ATP1A1: variants seen among roughly 807,000 people sequenced by gnomAD.
The protein encoded by ATP1A1 is sodium/potassium-transporting ATPase subunit alpha-1.
ATP1A1 carries 14 observed loss-of-function variants against 114.8 expected under a neutral mutation model. The observed-to-expected ratio is 0.12, with a 90% CI of 0.08 to 0.19. The LOEUF (loss-of-function observed/expected upper bound fraction) is 0.19. ATP1A1 is among the 10% of genes least tolerant of loss of function. The pLI is 1.00. For missense variants in ATP1A1, 524 were observed against 1,290.7 expected, an observed-to-expected ratio of 0.41 and a Z score of 9.10; for synonymous variants, 471 against 466.3, an observed-to-expected ratio of 1.01 and a Z score of -0.13.
chr1:116,399,063 C>T lies in ATP1A1; in HGVS notation c.2427C>T (p.Cys809=), dbSNP rs775541230. 3.1e-6 allele frequency: 5 copies of T among 1,614,192 alleles called. No homozygotes were observed. The highest frequency in any genetic ancestry group is 3.4e-6 in the Non-Finnish European group (4 of 1,180,042). Residue 809 remains cysteine (C), a synonymous_variant, in exon 17 of 23, where the codon TGC becomes TGT. Coordinates refer to ENST00000295598, the MANE Select transcript of ATP1A1 (RefSeq NM_000701.8). The surrounding 1 kb of genome is among the most constrained non-coding windows in gnomAD (Gnocchi z 5.0). ...CACTGGGGACTGTCACCATCCTCTGCATTGACTTGGGCACTGACATGGTGA... is the reference window on the plus strand; with the variant it reads ...CACTGGGGACTGTCACCATCCTCTGTATTGACTTGGGCACTGACATGGTGA... The part of the protein sequence containing the change: ...PLPLGTVTIL[C]IDLGTDMVPA...
At chr1:116,377,056 T>C (rs1251540362) in intron 1 of ATP1A1, among the ~76,000 whole-genome samples, 1 of 152,250 alleles carries the variant, frequency 6.6e-6, no homozygotes, top group African/African-American at 2.4e-5. Flanking sequence ...TTTAAATATA[T>C]CTAAACTTAA....
chr1:116,403,659 T>C (rs1653722959), intron 21 of ATP1A1, among the ~76,000 whole-genome samples: 2 of 152,250 alleles, frequency 1.3e-5, no homozygotes, highest in African/African-American at 4.8e-5. Context: ...TTACAAAGTC[T>C]GCAGACTGAT....
rs1322776752 is a variant in ATP1A1, at chr1:116,385,014, C to G, written c.183+172C>G. Reference sequence around the variant, plus strand: ...TTTGGGCATTTATATGCTACCGTTTCTTTTCCCTGAAACTTTTTGAAAGTA... The same window carrying G: ...TTTGGGCATTTATATGCTACCGTTTGTTTTCCCTGAAACTTTTTGAAAGTA... On this transcript the variant is annotated intron_variant, in intron 3 of 22. Transcript: ENST00000295598. The surrounding 1 kb of genome is among the most constrained non-coding windows in gnomAD (Gnocchi z 4.3). 2 of 633,164 alleles carry G rather than the reference C, an allele frequency of 3.2e-6. No individual in the cohort carries two copies. Among genetic ancestry groups the G allele is most frequent in the Non-Finnish European group, 5.5e-6 (2 of 363,770 alleles). The allele number at this position is 633,164 out of a possible 1,614,324, so 39.2% of individuals were successfully genotyped here. A position where few individuals can be genotyped will look rare whatever the true frequency, so the allele number is the denominator to read the frequency against.
At position 116,401,681 on chromosome 1, in the gene ATP1A1, A is replaced by G; in HGVS notation, c.2951+26A>G. 1.3e-6 allele frequency: 2 copies of G among 1,596,638 alleles called. No homozygotes were observed. The highest frequency in any genetic ancestry group is 1.7e-6 in the Non-Finnish European group (2 of 1,165,038). ...GTAAGTTGATCCTCTGGTAGCTCCA[A>G]AAAGTATGAAATAGTATGTGTGGCT... is the stretch of plus-strand genomic sequence containing the variant. On this transcript the variant is annotated intron_variant, in intron 21 of 22. Coordinates refer to ENST00000295598, the MANE Select transcript of ATP1A1 (RefSeq NM_000701.8). The surrounding 1 kb of genome is among the most constrained non-coding windows in gnomAD (Gnocchi z 4.7).
Position 116,404,703 on chromosome 1 carries a change from A to G in ATP1A1, c.*259A>G, listed in dbSNP as rs2101074616. On this transcript the variant is annotated 3_prime_UTR_variant, in exon 23 of 23. Coordinates refer to ENST00000295598, the MANE Select transcript of ATP1A1 (RefSeq NM_000701.8). The surrounding 1 kb of genome is among the most constrained non-coding windows in gnomAD (Gnocchi z 4.8). ...GCCTTTTTGTTTTTGTAAAAAAGGA[A>G]CACCCGGAAAGACTGAAAGAATACA... 2 of 1,275,100 alleles carry G rather than the reference A, an allele frequency of 1.6e-6. No individual in the cohort carries two copies. Among genetic ancestry groups the G allele is most frequent in the East Asian group, 3.3e-5 (1 of 29,890 alleles). 79.0% of individuals were successfully genotyped at this position (1,275,100 alleles called of 1,614,324 possible).
At chr1:116,376,010 C>G (rs1390540232) in intron 1 of ATP1A1, among the ~76,000 whole-genome samples, 1 of 151,706 alleles carries the variant, frequency 6.6e-6, no homozygotes, top group Non-Finnish European at 1.5e-5. Context: ...CCCTTTTTTT[C>G]TTTCTGGGTT....
At chr1:116,379,719 A>G (rs980716484) in intron 1 of ATP1A1, among the ~76,000 whole-genome samples, 1 of 152,260 alleles carries the variant, frequency 6.6e-6, no homozygotes, top group African/African-American at 2.4e-5. Context: ...CCAAGTTATA[A>G]TAATAGCCTT....
Position 116,387,339 on chromosome 1 carries a change from G to A in ATP1A1, c.235G>A (p.Ala79Thr), listed in dbSNP as rs1004452127. The change falls in exon 4 of 23, where the codon GCC becomes ACC. Residue 79 changes from alanine (A) to threonine (T), a missense_variant. By Grantham distance (58) the Ala-to-Thr change is moderately conservative (BLOSUM62 0). This residue lies in a region of ATP1A1 where 141 missense variants were observed against 316.6 expected (regional missense o/e 0.45). Transcript: ENST00000295598. The surrounding 1 kb of genome is among the most constrained non-coding windows in gnomAD (Gnocchi z 6.7). The part of the protein sequence containing the change: ...AEILARDGPN[A>T]LTPPPTTPEW... Reference sequence around the variant, plus strand: ...GATCCTGGCGCGAGATGGTCCCAACGCCCTCACTCCCCCTCCCACTACTCC... The same window carrying A: ...GATCCTGGCGCGAGATGGTCCCAACACCCTCACTCCCCCTCCCACTACTCC... 6.8e-6 allele frequency: 11 copies of A among 1,614,146 alleles called. No individual in the cohort carries two copies. Among genetic ancestry groups the A allele is most frequent in the Admixed American group, 5.0e-5 (3 of 60,014 alleles).
Position 116,404,112 on chromosome 1 carries a change from T to C in ATP1A1, c.3043+137T>C. 1 of 834,590 alleles carries C rather than the reference T, an allele frequency of 1.2e-6. No individual in the cohort carries two copies. The highest frequency in any genetic ancestry group is 1.7e-5 in the African/African-American group (1 of 58,212). The allele number at this position is 834,590 out of a possible 1,614,324, so 51.7% of individuals were successfully genotyped here. ...AGCTAAGGTGACTGGACCAGCAAAC[T>C]GACCATAGTCACATCTTCAGAATGT... On this transcript the variant is annotated intron_variant, in intron 22 of 22. Coordinates refer to ENST00000295598, the MANE Select transcript of ATP1A1 (RefSeq NM_000701.8). This position sits in a 1 kb window ranked among gnomAD's most constrained non-coding sequence, Gnocchi z 4.8.
chr1:116,377,259 G>A (rs1286496843), intron 1 of ATP1A1, among the ~76,000 whole-genome samples: 3 of 152,214 alleles, frequency 2.0e-5, no homozygotes, highest in African/African-American at 7.2e-5. Context: ...TTCTGTTTAT[G>A]GAAGGAGTGC....
intron 1 of ATP1A1, among the ~76,000 whole-genome samples, chr1:116,376,210 C>T (rs1557777401): frequency 6.6e-6 from 1 of 151,934 alleles, no homozygotes; most frequent in Non-Finnish European, 1.5e-5. Flanking sequence ...ATATTATTTA[C>T]CGAAAAAATA....
chr1:116,394,959 TA>T, intron 12 of ATP1A1, 150 bp from the exon 13 acceptor site: 1 of 737,470 alleles, frequency 1.4e-6, no homozygotes, highest in Non-Finnish European at 2.2e-6. Flanking sequence ...AAATGTTAAA[TA>T]AAACCCTCAC....
intron 13 of ATP1A1, among the ~76,000 whole-genome samples, 163 bp from the exon 14 acceptor site, chr1:116,396,435 A>G (rs1652938115): frequency 1.3e-5 from 2 of 152,008 alleles, no homozygotes; most frequent in Non-Finnish European, 2.9e-5. Context: ...ATATATGTTT[A>G]TATTTTTGGC....
In ATP1A1 at chr1:116,393,291, C is replaced by T. The variant is rs565629413; in HGVS notation, c.1468-240C>T. ...CCCCAATCCCTGTGTTCTGAAATTT[C>T]GTATGTTCTTTTTTAATGTGAACAA... is the stretch of plus-strand genomic sequence containing the variant. On this transcript the variant is annotated intron_variant, in intron 11 of 22. Coordinates refer to ENST00000295598, the MANE Select transcript of ATP1A1 (RefSeq NM_000701.8). The surrounding 1 kb of genome is among the most constrained non-coding windows in gnomAD (Gnocchi z 5.0). Among the ~76,000 whole-genome samples the T allele has an allele frequency of 6.6e-6, 1 of 151,090 alleles. No individual in the cohort carries two copies. Among genetic ancestry groups the T allele is most frequent in the East Asian group, 1.9e-4 (1 of 5,160 alleles).
chr1:116,404,493 G>A lies in ATP1A1; in HGVS notation c.*49G>A, dbSNP rs372554697. The A allele has an allele frequency of 5.8e-5, 91 of 1,579,096 alleles. No homozygotes were observed. Among genetic ancestry groups the A allele is most frequent in the South Asian group, 3.4e-4 (29 of 85,982 alleles). On this transcript the variant is annotated 3_prime_UTR_variant, in exon 23 of 23. Coordinates refer to ENST00000295598, the MANE Select transcript of ATP1A1 (RefSeq NM_000701.8). This position sits in a 1 kb window ranked among gnomAD's most constrained non-coding sequence, Gnocchi z 4.8. ...GCATCAGGCCACACACTCTGCATCC[G>A]ACACCCACCCCCTCTTTGTGTACTT...
chr1:116,383,469 AGGTTG>A, intron 1 of ATP1A1: 1 of 650,508 alleles, frequency 1.5e-6, no homozygotes, highest in Non-Finnish European at 1.9e-6. Context: ...ACATGAAATG[AGGTTG>A]GCACTATTCT....
Position 116,373,963 on chromosome 1 carries a change from C to A in ATP1A1, c.12+440C>A. The A allele has an allele frequency of 5.2e-6, 7 of 1,354,600 alleles. No individual in the cohort carries two copies. In the South Asian group the frequency reaches 1.3e-4, roughly 24 times the overall value. The allele number at this position is 1,354,600 out of a possible 1,614,324, so 83.9% of individuals were successfully genotyped here. A position where few individuals can be genotyped will look rare whatever the true frequency, so the allele number is the denominator to read the frequency against. On this transcript the variant is annotated intron_variant, in intron 1 of 22. Coordinates refer to ENST00000295598, the MANE Select transcript of ATP1A1 (RefSeq NM_000701.8). ...CTCCTTCTCCTTCCTTTTCCCTCCG[C>A]CCTCCGTGCCCTGAGGAAAGGCGCG...
At chr1:116,403,065 C>T in intron 21 of ATP1A1, among the ~76,000 whole-genome samples, 1 of 152,218 alleles carries the variant, frequency 6.6e-6, no homozygotes, top group South Asian at 2.1e-4. Context: ...GCATTTCCAT[C>T]TTCTGGGTCC....
Position 116,398,058 on chromosome 1 carries a change from AG to A in ATP1A1, c.2124+22del. On this transcript the variant is annotated intron_variant, in intron 15 of 22. Coordinates refer to ENST00000295598, the MANE Select transcript of ATP1A1 (RefSeq NM_000701.8). This position sits in a 1 kb window ranked among gnomAD's most constrained non-coding sequence, Gnocchi z 6.1. The stretch of plus-strand genomic sequence containing the variant: ...AGACAGGTCAGCCAGCACAAGGATC[AG>A]GCTGCTTTGGGCACTATTGGCTTTA... The A allele has an allele frequency of 6.2e-7, 1 of 1,613,020 alleles. No homozygotes were observed. The highest frequency in any genetic ancestry group is 8.5e-7 in the Non-Finnish European group (1 of 1,179,430).
Sources: allele counts gnomAD v4.1 joint callset (sites outside exome capture counted in the v4.1 genomes callset), GRCh38; gene constraint gnomAD v4.1.1; regional missense constraint gnomAD v4.1.1; non-coding constraint Gnocchi (gnomAD v3.1); transcripts MANE v1.5; gene names NCBI Gene and HGNC (gene_info 2026-07-23, HGNC 2026-07-21).